The following YIF1A variants were observed in gnomAD, a reference collection of about 807,000 sequenced individuals.
YIF1A encodes protein YIF1A.
In YIF1A, 28 loss-of-function variants were observed where a neutral mutation model predicts 32.6. That is an observed-to-expected ratio of 0.86 (90% CI 0.64 to 1.18). The LOEUF is 1.18. YIF1A is among the 50% of genes most tolerant of loss of function. The probability of loss-of-function intolerance (pLI) is 0.00; values close to 1 mark genes in which losing one functional copy is unlikely to be tolerated. For synonymous variants in YIF1A, 175 were observed against 162.2 expected (o/e 1.08, Z -0.60); for missense variants, 373 against 390.8 (o/e 0.95, Z 0.38).
Position 66,288,203 on chromosome 11 carries a change from G to A in YIF1A, c.121C>T (p.Pro41Ser). Residue 41 changes from proline (P) to serine (S), a missense_variant, in exon 2 of 8, where the codon CCA becomes TCA. By Grantham distance (74) the Pro-to-Ser change is moderately conservative (BLOSUM62 -1). Transcript: ENST00000376901. ...GGYSSQPGGYPATGADVAFSV... is the reference protein window; with the variant it reads ...GGYSSQPGGYSATGADVAFSV... The stretch of plus-strand genomic sequence containing the variant: ...AAGGCCACGTCTGCTCCTGTGGCTG[G>A]GTATCCCCCGGGCTGGCTGGAATAA... 1 of 1,614,116 alleles carries A rather than the reference G, an allele frequency of 6.2e-7. No homozygotes were observed. Among genetic ancestry groups the A allele is most frequent in the South Asian group, 1.1e-5 (1 of 91,088 alleles).
Position 66,288,947 on chromosome 11 carries a change from C to A in YIF1A, c.31+8G>T. On this transcript the variant is annotated splice_region_variant and intron_variant, in intron 1 of 7. Coordinates refer to ENST00000376901, the MANE Select transcript of YIF1A (RefSeq NM_020470.3). ...GGCCGCGCCGCGCCCCGCCCGCGCC[C>A]CACGCACCGTGGGCTCCGTAGCCCG... 1.3e-6 allele frequency: 2 copies of A among 1,534,506 alleles called. No individual in the cohort carries two copies. The highest frequency in any genetic ancestry group is 1.7e-6 in the Non-Finnish European group (2 of 1,149,892).
At position 66,284,857 on chromosome 11, in the gene YIF1A, G is replaced by T. The variant is rs753448994; in HGVS notation, c.735+16C>A. Reference sequence around the variant, plus strand: ...TCAAGTGAAGGCAGGGGAATGGGGGGGTGCACCAGACTCACAATGAAGTAC... The same window carrying T: ...TCAAGTGAAGGCAGGGGAATGGGGGTGTGCACCAGACTCACAATGAAGTAC... On this transcript the variant is annotated intron_variant, in intron 7 of 7. Coordinates refer to ENST00000376901, the MANE Select transcript of YIF1A (RefSeq NM_020470.3). 2.5e-6 allele frequency: 4 copies of T among 1,612,894 alleles called. No homozygotes were observed. Among genetic ancestry groups the T allele is most frequent in the Non-Finnish European group, 3.4e-6 (4 of 1,179,896 alleles).
intron 1 of YIF1A, among the ~76,000 whole-genome samples, 188 bp downstream of exon 1, chr11:66,288,767 T>G (rs929614263): frequency 6.6e-6 from 1 of 152,180 alleles, no homozygotes; most frequent in Non-Finnish European, 1.5e-5. Flanking sequence ...GACTCCGGCA[T>G]GGGATTCCCA....
Position 66,288,290 on chromosome 11 carries a change from A to C in YIF1A, c.34T>G (p.Ser12Ala). ...GGGGCTGCCCGGGCCCTGTGCTTGG[A>C]GCCTGTGGGTTTGGAGGTATCAGAG... ...AYHSGYGAHG[S>A]KHRARAAPDP... The change falls in exon 2 of 8, where the codon TCC (serine) becomes GCC (alanine). Residue 12 changes from serine to alanine, a missense_variant and splice_region_variant. Transcript: ENST00000376901. 1 of 1,614,006 alleles carries C rather than the reference A, an allele frequency of 6.2e-7. No homozygotes were observed. Among genetic ancestry groups the C allele is most frequent in the Non-Finnish European group, 8.5e-7 (1 of 1,180,016 alleles).
chr11:66,288,906 C>T, intron 1 of YIF1A, 49 bp downstream of exon 1: 1 of 1,444,670 alleles, frequency 6.9e-7, no homozygotes, highest in African/African-American at 1.5e-5. Flanking sequence ...GCCACGCCGC[C>T]GACTCTCCCC....
In YIF1A at chr11:66,285,440, G is replaced by GGT; in HGVS notation, c.580_581dup (p.Val195ProfsTer6). Reference sequence around the variant, plus strand: ...GAAAGGTGCTCAGGTCACTGCGCACGGTGGCCAGGTAGAGGCCCAGGAGCA... The same window carrying GGT: ...GAAAGGTGCTCAGGTCACTGCGCACGGTGTGGCCAGGTAGAGGCCCAGGAGCA... On this transcript the variant is annotated frameshift_variant, in exon 6 of 8. Coordinates refer to ENST00000376901, the MANE Select transcript of YIF1A (RefSeq NM_020470.3). LOFTEE classifies it high-confidence loss of function. 1 of 1,613,404 alleles carries GGT rather than the reference G, an allele frequency of 6.2e-7. No individual in the cohort carries two copies. Among genetic ancestry groups the GGT allele is most frequent in the Non-Finnish European group, 8.5e-7 (1 of 1,180,022 alleles).
Position 66,285,527 on chromosome 11 carries a change from C to T in YIF1A, c.495G>A (p.Pro165=), listed in dbSNP as rs369211299. Residue 165 remains proline, a synonymous_variant, in exon 6 of 8, where the codon CCG becomes CCA. Coordinates refer to ENST00000376901, the MANE Select transcript of YIF1A (RefSeq NM_020470.3). ...MALGIQKRFS[P]EVLGLCASTA... is the part of the protein sequence containing the mutation. ...TGCTTGCACACAGGCCCAGCACCTC[C>T]GGGGAGAACCTGCGCCAAAGCAGGG... is the stretch of plus-strand genomic sequence containing the variant. 2.4e-5 allele frequency: 38 copies of T among 1,612,880 alleles called. No individual in the cohort carries two copies. The highest frequency in any genetic ancestry group is 9.3e-5 in the African/African-American group (7 of 74,946).
At chr11:66,287,350 T>G in intron 4 of YIF1A, 2 of 534,216 alleles carry the variant, frequency 3.7e-6, no homozygotes, top group African/African-American at 1.9e-5. Flanking sequence ...TGGGGAGGGA[T>G]ACAGTCCAAA....
At position 66,288,182 on chromosome 11, in the gene YIF1A, C is replaced by T; in HGVS notation, c.142G>A (p.Ala48Thr). 2 of 1,614,182 alleles carry T rather than the reference C, an allele frequency of 1.2e-6. No individual in the cohort carries two copies. Among genetic ancestry groups the T allele is most frequent in the Non-Finnish European group, 1.7e-6 (2 of 1,180,042 alleles). ...CCAAGCAAGTGGTTGACACTGAAGG[C>T]CACGTCTGCTCCTGTGGCTGGGTAT... is the stretch of plus-strand genomic sequence containing the variant. Reference protein sequence around the residue: ...GGYPATGADVAFSVNHLLGDP... With the variant: ...GGYPATGADVTFSVNHLLGDP... The change falls in exon 2 of 8, where the codon GCC becomes ACC. Residue 48 changes from alanine (A) to threonine (T), a missense_variant. Physicochemically the swap from Ala to Thr is moderately conservative, Grantham distance 58. Coordinates refer to ENST00000376901, the MANE Select transcript of YIF1A (RefSeq NM_020470.3).
intron 7 of YIF1A, 32 bp from the exon 8 acceptor site, chr11:66,284,815 G>T: frequency 6.2e-7 from 1 of 1,611,932 alleles, no homozygotes. Flanking sequence ...GCCTGGCCAG[G>T]AGGGGGAGGT....
chr11:66,285,269 G>A, intron 6 of YIF1A, 112 bp downstream of exon 6: 1 of 1,453,428 alleles, frequency 6.9e-7, no homozygotes, highest in South Asian at 1.3e-5. Context: ...CCTCTTAACA[G>A]AGCAGTGCTA....
chr11:66,285,006 G>T (rs1044265618), intron 6 of YIF1A, 40 bp from the exon 7 acceptor site: 2 of 1,604,554 alleles, frequency 1.2e-6, no homozygotes, highest in Non-Finnish European at 1.7e-6. Context: ...ACCCCCAGGG[G>T]TCTAGGCCTG....
At position 66,288,640 on chromosome 11, in the gene YIF1A, A is replaced by G. The variant is rs564938947; in HGVS notation, c.31+315T>C. On this transcript the variant is annotated intron_variant, in intron 1 of 7. Transcript: ENST00000376901. Reference sequence around the variant, plus strand: ...CTGGGAGGGCATCCTTCCGTGAACAAAGCTGGGAGAGGCGACAGCTGGCTA... The same window carrying G: ...CTGGGAGGGCATCCTTCCGTGAACAGAGCTGGGAGAGGCGACAGCTGGCTA... Among the ~76,000 whole-genome samples, 116 of 152,296 alleles carry G rather than the reference A, an allele frequency of 7.6e-4. 2 individuals are homozygous for G. The Middle Eastern group carries it at 0.021, about 27-fold the overall frequency.
At position 66,289,063 on chromosome 11, in the gene YIF1A, G is replaced by GC; in HGVS notation, c.-79dup. 6.7e-7 allele frequency: 1 copy of GC among 1,499,958 alleles called. No homozygotes were observed. The highest frequency in any genetic ancestry group is 8.8e-7 in the Non-Finnish European group (1 of 1,131,232). 92.9% of individuals were successfully genotyped at this position (1,499,958 alleles called of 1,614,324 possible). A position where few individuals can be genotyped will look rare whatever the true frequency, so the allele number is the denominator to read the frequency against. ...AATACTAATGAGGCAGCTGCTCCGC[G>GC]CCCAGGGTACCGACCGAGGCCACCC... On this transcript the variant is annotated 5_prime_UTR_variant, in exon 1 of 8. An upstream open reading frame in the 5' UTR loses its in-frame stop. Transcript: ENST00000376901.
rs759439307 is a variant in YIF1A, at chr11:66,284,719, C to T, written c.800G>A (p.Arg267His). ...DSMGGPVPRQ[R>H]LQLYLTLGAA... ...TCCCAGAGTCAGGTAGAGCTGGAGACGCTGCCGGGGGACGGGGCCCCCCAT... is the reference window on the plus strand; with the variant it reads ...TCCCAGAGTCAGGTAGAGCTGGAGATGCTGCCGGGGGACGGGGCCCCCCAT... The change falls in exon 8 of 8, where the codon CGT becomes CAT. Residue 267 changes from arginine (R) to histidine (H), a missense_variant. By Grantham distance (29) the Arg-to-His change is conservative (BLOSUM62 0). Transcript: ENST00000376901. 74 of 1,612,430 alleles carry T rather than the reference C, an allele frequency of 4.6e-5. No homozygotes were observed. Among genetic ancestry groups the T allele is most frequent in the African/African-American group, 3.2e-4 (24 of 74,928 alleles).
At chr11:66,288,398 G>A in intron 1 of YIF1A, 106 bp from the exon 2 acceptor site, 4 of 1,341,924 alleles carry the variant, frequency 3.0e-6, no homozygotes, top group South Asian at 1.3e-5. Context: ...TGGAGGCACC[G>A]ATCAGTGAGG....
intron 1 of YIF1A, 24 bp downstream of exon 1, chr11:66,288,931 G>A (rs747584819): frequency 7.5e-6 from 11 of 1,473,986 alleles, no homozygotes; most frequent in South Asian, 4.0e-5. Context: ...CGGCCGCGCC[G>A]CGCCCCGCCC....
Position 66,287,630 on chromosome 11 carries a change from T to G in YIF1A, c.395A>C (p.Gln132Pro). ...ATAGAGGTCAGGGGCGTTGAGGTCT[T>G]GCCGGGGGGGCAGAGGAGCATCACG... ...YSRDAPLPPR[Q>P]DLNAPDLYIP... is the part of the protein sequence containing the mutation. Residue 132 changes from glutamine to proline, a missense_variant, in exon 4 of 8, where the codon CAA becomes CCA. Physicochemically the swap from Gln to Pro is moderately conservative, Grantham distance 76. Transcript: ENST00000376901. 5 of 1,613,648 alleles carry G rather than the reference T, an allele frequency of 3.1e-6. No homozygotes were observed. Among genetic ancestry groups the G allele is most frequent in the Non-Finnish European group, 4.2e-6 (5 of 1,179,974 alleles).
In YIF1A at chr11:66,287,867, T is replaced by C; in HGVS notation, c.293A>G (p.Asp98Gly). ...VSKLKYFFAV[D>G]TAYVAKKLGL... is the part of the protein sequence containing the mutation. Reference sequence around the variant, plus strand: ...TAGCTTCTTGGCCACGTAGGCTGTGTCCACAGCAAAAAAATACTTGAGTTT... The same window carrying C: ...TAGCTTCTTGGCCACGTAGGCTGTGCCCACAGCAAAAAAATACTTGAGTTT... Residue 98 changes from aspartate (D) to glycine (G), a missense_variant, in exon 3 of 8, where the codon GAC becomes GGC. Asp to Gly is a moderately conservative substitution (Grantham distance 94, BLOSUM62 -1). Transcript: ENST00000376901. 1 of 1,613,854 alleles carries C rather than the reference T, an allele frequency of 6.2e-7. No individual in the cohort carries two copies. The highest frequency in any genetic ancestry group is 8.5e-7 in the Non-Finnish European group (1 of 1,179,956).
Sources: gnomAD v4.1 joint callset for allele counts (sites outside exome capture counted in the v4.1 genomes callset) on GRCh38, gnomAD v4.1.1 for gene constraint, MANE v1.5 for transcripts, NCBI Gene and HGNC (gene_info 2026-07-23, HGNC 2026-07-21) for gene names.